DSCAM: variants seen among roughly 807,000 people sequenced by gnomAD.
DSCAM encodes the protein DS cell adhesion molecule.
DSCAM carries 47 observed loss-of-function variants against 217.7 expected under a neutral mutation model. That is an observed-to-expected ratio of 0.22 (90% confidence interval 0.17 to 0.28). The LOEUF is 0.28. Among genes scored for constraint, DSCAM ranks in the 10% least tolerant of loss-of-function variants. The pLI, the probability that DSCAM is intolerant of heterozygous loss-of-function variation, is 1.00. For missense variants in DSCAM, 2,080 were observed against 2,618.3 expected, an observed-to-expected ratio of 0.79 and a Z score of 4.49; for synonymous variants, 1,056 against 1,015.3, an observed-to-expected ratio of 1.04 and a Z score of -0.76.
intron 11 of DSCAM, among the ~76,000 whole-genome samples, chr21:40,194,428 G>A (rs2090985704): frequency 6.6e-6 from 1 of 152,064 alleles, no homozygotes; most frequent in Admixed American, 6.6e-5. Flanking sequence ...CTTTTTGCGA[G>A]GATTTCTGAA....
chr21:40,601,778 C>T (rs2077063846), intron 3 of DSCAM, among the ~76,000 whole-genome samples: 1 of 152,144 alleles, frequency 6.6e-6, no homozygotes, highest in Admixed American at 6.5e-5. Context: ...ATATGATTTT[C>T]ATTCTTCAGC....
At chr21:40,140,328 A>C (rs1034574129) in intron 18 of DSCAM, among the ~76,000 whole-genome samples, 4 of 152,124 alleles carry the variant, frequency 2.6e-5, no homozygotes, top group African/African-American at 9.7e-5. Flanking sequence ...CTGCATGCAC[A>C]CTCCCAAGCA....
chr21:40,439,958 C>T lies in DSCAM; in HGVS notation c.509-70713G>A, dbSNP rs184695279. Among the ~76,000 whole-genome samples the T allele has an allele frequency of 1.5e-3, 227 of 152,326 alleles. 2 individuals carry two copies. Among genetic ancestry groups the T allele is most frequent in the Non-Finnish European group, 9.3e-4 (63 of 68,036 alleles). On this transcript the variant is annotated intron_variant, in intron 3 of 32. Coordinates refer to ENST00000400454, the MANE Select transcript of DSCAM (RefSeq NM_001389.5). ...GTGTGAATATAGCCAAACCATATCA[C>T]CTTCTGGACCCCTTCCCAATGCTCT...
At chr21:40,261,078 CACA>C (rs1378227823) in intron 11 of DSCAM, among the ~76,000 whole-genome samples, 3 of 152,172 alleles carry the variant, frequency 2.0e-5, no homozygotes, top group African/African-American at 7.2e-5. Flanking sequence ...TCAAAGAAAC[CACA>C]ACAATGACCA....
At chr21:40,388,484 T>C (rs112002362) in intron 3 of DSCAM, among the ~76,000 whole-genome samples, 1,954 of 152,278 alleles carry the variant, frequency 0.013, 45 homozygotes, top group African/African-American at 0.045. Flanking sequence ...TTTGACACTT[T>C]TCCACAAATT....
chr21:40,360,884 T>C (rs1055569157), intron 4 of DSCAM, among the ~76,000 whole-genome samples: 2 of 152,112 alleles, frequency 1.3e-5, no homozygotes, highest in African/African-American at 4.8e-5. Flanking sequence ...CTTTGAGAAA[T>C]CTCCAGTCTG....
chr21:40,478,343 G>A (rs1021350352), intron 3 of DSCAM, among the ~76,000 whole-genome samples: 1 of 152,196 alleles, frequency 6.6e-6, no homozygotes, highest in Non-Finnish European at 1.5e-5. Context: ...TGTAGTACAT[G>A]TGGACATAGG....
chr21:40,659,371 AT>A (rs1568968221), intron 3 of DSCAM, among the ~76,000 whole-genome samples: 1 of 144,566 alleles, frequency 6.9e-6, no homozygotes, highest in African/African-American at 2.9e-5. Flanking sequence ...CTATCTATCT[AT>A]CTATCTATCT....
intron 1 of DSCAM, among the ~76,000 whole-genome samples, chr21:40,831,381 C>G (rs2092010906): frequency 1.3e-5 from 2 of 152,180 alleles, no homozygotes; most frequent in Admixed American, 6.5e-5. Context: ...GCTGAAATGT[C>G]TAGGCAGTAT....
At chr21:40,047,252 A>G (rs2088856672) in intron 30 of DSCAM, among the ~76,000 whole-genome samples, 1 of 152,110 alleles carries the variant, frequency 6.6e-6, no homozygotes, top group Non-Finnish European at 1.5e-5. Context: ...GCTGTATGAT[A>G]ATGACTAAGA....
At chr21:40,471,683 C>A (rs1408108971) in intron 3 of DSCAM, among the ~76,000 whole-genome samples, 1 of 152,214 alleles carries the variant, frequency 6.6e-6, no homozygotes, top group African/African-American at 2.4e-5. Context: ...CCTGGTTTCA[C>A]ACTCCTACGC....
At chr21:40,431,512 T>C (rs1195021624) in intron 3 of DSCAM, among the ~76,000 whole-genome samples, 1 of 151,914 alleles carries the variant, frequency 6.6e-6, no homozygotes, top group Admixed American at 6.6e-5. Flanking sequence ...CCTTTATGAC[T>C]CCTCAGCCTA....
At chr21:40,391,113 C>G (rs2075130017) in intron 3 of DSCAM, among the ~76,000 whole-genome samples, 1 of 152,176 alleles carries the variant, frequency 6.6e-6, no homozygotes, top group African/African-American at 2.4e-5. Flanking sequence ...CATTGTGCTC[C>G]TTAAACAATC....
intron 12 of DSCAM, among the ~76,000 whole-genome samples, chr21:40,188,332 A>AT (rs890725784): frequency 2.0e-3 from 298 of 150,528 alleles, no homozygotes; most frequent in African/African-American, 4.1e-3. Flanking sequence ...CCACATATAC[A>AT]TTTTTTTTTT....
chr21:40,088,630 A>G (rs2089564632), intron 21 of DSCAM, among the ~76,000 whole-genome samples: 1 of 152,334 alleles, frequency 6.6e-6, no homozygotes, highest in South Asian at 2.1e-4. Flanking sequence ...GGCCCATTTC[A>G]TCAGTCATTG....
intron 1 of DSCAM, among the ~76,000 whole-genome samples, chr21:40,814,726 C>A (rs1478005650): frequency 6.6e-6 from 1 of 152,136 alleles, no homozygotes; most frequent in African/African-American, 2.4e-5. Flanking sequence ...CACACCCTGA[C>A]AATTGCAGAG....
intron 3 of DSCAM, among the ~76,000 whole-genome samples, chr21:40,445,354 G>A (rs1369072934): frequency 6.6e-6 from 1 of 152,134 alleles, no homozygotes; most frequent in African/African-American, 2.4e-5. Flanking sequence ...ATGCAACATT[G>A]GTTCTGTTCT....
At chr21:40,044,881 G>C (rs1266821015) in intron 30 of DSCAM, among the ~76,000 whole-genome samples, 1 of 152,152 alleles carries the variant, frequency 6.6e-6, no homozygotes, top group Non-Finnish European at 1.5e-5. Context: ...GTTGTTATGC[G>C]TGAATCACGT....
rs767684426 is a variant in DSCAM, at chr21:40,016,719, G to A, written c.5687-3333C>T. On this transcript the variant is annotated intron_variant, in intron 32 of 32. Transcript: ENST00000400454. This position sits in a 1 kb window ranked among gnomAD's most constrained non-coding sequence, Gnocchi z 4.3. ...GCCATTAGCCAGCTGCTCTGCTAGC[G>A]GGGCAATGAAAGTGATATGTGTTTA... Among the ~76,000 whole-genome samples, 2 of 152,178 alleles carry A rather than the reference G, an allele frequency of 1.3e-5. No individual in the cohort carries two copies. Among genetic ancestry groups the A allele is most frequent in the African/African-American group, 4.8e-5 (2 of 41,434 alleles).
Sources: allele counts gnomAD v4.1 joint callset (sites outside exome capture counted in the v4.1 genomes callset), GRCh38; gene constraint gnomAD v4.1.1; non-coding constraint Gnocchi (gnomAD v3.1); transcripts MANE v1.5; gene names NCBI Gene and HGNC (gene_info 2026-07-23, HGNC 2026-07-21).